Variants in OTOGL observed in about 807,000 individuals in gnomAD.
The protein encoded by OTOGL is otogelin like, also known as otogelin-like protein.
A neutral mutation model predicts 318.5 loss-of-function variants in OTOGL; 285 were observed. That is an observed-to-expected ratio of 0.89 (90% CI 0.81 to 0.99). OTOGL has a LOEUF of 0.99. Ranked by LOEUF, OTOGL falls within the 50% of genes least tolerant of loss-of-function variation. The probability of loss-of-function intolerance (pLI) is 0.00; values close to 1 mark genes in which losing one functional copy is unlikely to be tolerated. For missense variants in OTOGL, 2,899 were observed against 2,845.6 expected (o/e 1.02, Z -0.43); for synonymous variants, 987 against 936.5 (o/e 1.05, Z -0.99).
intron 30 of OTOGL, among the ~76,000 whole-genome samples, chr12:80,311,382 TATTCAGAC>T (rs1231080643): frequency 6.6e-6 from 1 of 152,220 alleles, no homozygotes; most frequent in African/African-American, 2.4e-5. Context: ...GATATATGGT[TATTCAGAC>T]ATTCAGACAG....
intron 1 of OTOGL, among the ~76,000 whole-genome samples, chr12:80,112,673 G>A (rs1394871785): frequency 2.0e-5 from 3 of 149,374 alleles, no homozygotes; most frequent in African/African-American, 7.4e-5. Context: ...TTTTTGCACT[G>A]ATGTTCATTA....
Position 80,266,616 on chromosome 12 carries a change from T to A in OTOGL, c.2390T>A (p.Ile797Lys), listed in dbSNP as rs776223885. 6.2e-7 allele frequency: 1 copy of A among 1,612,556 alleles called. No individual in the cohort carries two copies. The highest frequency in any genetic ancestry group is 2.2e-5 in the East Asian group (1 of 44,846). The change falls in exon 21 of 59, where the codon ATA becomes AAA. Residue 797 changes from isoleucine (I) to lysine (K), a missense_variant and splice_region_variant. Physicochemically the swap from Ile to Lys is moderately radical, Grantham distance 102. Around this residue, in one of 3 missense-constraint regions of OTOGL, gnomAD observed 2,607 missense variants for 2,524.9 expected, o/e 1.03. Transcript: ENST00000547103. ...YEDTLNFCVPIFHCRCHYRGS... is the reference protein window; with the variant it reads ...YEDTLNFCVPKFHCRCHYRGS... ...GACACTCTTAACTTTTGTGTACCCA[T>A]GTAAGTCGTAGAAACAGGTTGGCAG...
rs568423929 is a variant in OTOGL, at chr12:80,377,165, C to T, written c.6824C>T (p.Ser2275Leu). Reference sequence around the variant, plus strand: ...ATATGCCAGAAAGTGATCATTAAATCGGTCATAAGGAAACAGGACTGTATG... The same window carrying T: ...ATATGCCAGAAAGTGATCATTAAATTGGTCATAAGGAAACAGGACTGTATG... ...ERICQKVIIK[S>L]VIRKQDCMSQ... The change falls in exon 58 of 59, where the codon TCG (serine) becomes TTG (leucine). Residue 2275 changes from serine to leucine, a missense_variant. By Grantham distance (145) the Ser-to-Leu change is moderately radical (BLOSUM62 -2). Coordinates refer to ENST00000547103, the MANE Select transcript of OTOGL (RefSeq NM_001378609.3). 13 of 1,609,270 alleles carry T rather than the reference C, an allele frequency of 8.1e-6. No individual in the cohort carries two copies. The highest frequency in any genetic ancestry group is 2.2e-5 in the East Asian group (1 of 44,666).
intron 1 of OTOGL, among the ~76,000 whole-genome samples, chr12:80,159,281 G>A (rs1338959108): frequency 2.0e-5 from 3 of 152,052 alleles, no homozygotes; most frequent in African/African-American, 4.8e-5. Context: ...CAGGGATACT[G>A]GTCTGTAGTT....
intron 1 of OTOGL, among the ~76,000 whole-genome samples, chr12:80,150,497 C>G (rs952860689): frequency 2.0e-5 from 3 of 152,160 alleles, no homozygotes; most frequent in Non-Finnish European, 4.4e-5. Context: ...TTTATCTAGG[C>G]AGTGAGCGAT....
At chr12:80,115,991 T>C (rs1489816031) in intron 1 of OTOGL, among the ~76,000 whole-genome samples, 1 of 124,772 alleles carries the variant, frequency 8.0e-6, no homozygotes, top group Non-Finnish European at 1.7e-5. Flanking sequence ...CTGGGCTCTG[T>C]GGGACTGGGA....
chr12:80,259,137 G>GATCA (rs1173626228), intron 18 of OTOGL, among the ~76,000 whole-genome samples: 1 of 150,220 alleles, frequency 6.7e-6, no homozygotes, highest in Admixed American at 6.7e-5. Flanking sequence ...GTTAGGCAAG[G>GATCA]ATCAATCAAC....
At chr12:80,368,382 G>A in intron 55 of OTOGL, 73 bp downstream of exon 55, 2 of 830,542 alleles carry the variant, frequency 2.4e-6, no homozygotes, top group Non-Finnish European at 1.8e-6. Flanking sequence ...TTTGGAAAAT[G>A]TCCCCCCCCA....
chr12:80,131,681 T>C (rs565019951), intron 1 of OTOGL: 1 of 152,344 alleles, frequency 6.6e-6, no homozygotes, highest in South Asian at 2.1e-4. Flanking sequence ...ATGGCATTTA[T>C]TTAGCTTTAT....
chr12:80,157,463 G>A (rs1873201088), intron 1 of OTOGL, among the ~76,000 whole-genome samples: 1 of 151,990 alleles, frequency 6.6e-6, no homozygotes, highest in African/African-American at 2.4e-5. Flanking sequence ...TGCTTTGGTC[G>A]CCTGTACTTA....
chr12:80,304,062 A>G (rs1180204137), intron 28 of OTOGL, among the ~76,000 whole-genome samples: 1 of 152,184 alleles, frequency 6.6e-6, no homozygotes, highest in Non-Finnish European at 1.5e-5. Context: ...CTCAGATATC[A>G]TATAAATGGA....
At position 80,238,955 on chromosome 12, in the gene OTOGL, T is replaced by C. The variant is rs1221181230; in HGVS notation, c.922T>C (p.Ser308Pro). The C allele has an allele frequency of 4.4e-6, 7 of 1,597,600 alleles. No individual in the cohort carries two copies. Among genetic ancestry groups the C allele is most frequent in the Non-Finnish European group, 5.9e-6 (7 of 1,179,076 alleles). ...ACCCTCAGATTTTCCAAATCCGTGCTCCAGTGGAATGCCAGCATTTGAGGT... is the reference window on the plus strand; with the variant it reads ...ACCCTCAGATTTTCCAAATCCGTGCCCCAGTGGAATGCCAGCATTTGAGGT... ...LTPSDFPNPC[S>P]SGMPAFEAIF... Residue 308 changes from serine to proline, a missense_variant, in exon 10 of 59, where the codon TCC becomes CCC. By Grantham distance (74) the Ser-to-Pro change is moderately conservative (BLOSUM62 -1). Around this residue, in one of 3 missense-constraint regions of OTOGL, gnomAD observed 2,607 missense variants for 2,524.9 expected, o/e 1.03. Transcript: ENST00000547103.
At chr12:80,270,259 A>G in intron 23 of OTOGL, 105 bp downstream of exon 23, 2 of 904,274 alleles carry the variant, frequency 2.2e-6, no homozygotes, top group Non-Finnish European at 1.7e-6. Flanking sequence ...GTGCATGGCT[A>G]TAGCCTTGGG....
rs183750934 is a variant in OTOGL, at chr12:80,199,565, G to A, written c.-19-9848G>A. Among the ~76,000 whole-genome samples the A allele has an allele frequency of 7.2e-5, 11 of 152,300 alleles. No individual in the cohort carries two copies. The East Asian group carries it at 2.1e-3, about 29-fold the overall frequency. On this transcript the variant is annotated intron_variant, in intron 1 of 58. Transcript: ENST00000547103. ...TAGTGCCCATTGAATTAGTTTAATA[G>A]ATGATTTGTGTAAGTTTTATTTGTA... is the stretch of plus-strand genomic sequence containing the variant.
intron 27 of OTOGL, among the ~76,000 whole-genome samples, chr12:80,297,376 G>C (rs1253567755): frequency 6.0e-5 from 9 of 149,230 alleles, no homozygotes; most frequent in Non-Finnish European, 1.0e-4. Flanking sequence ...CTGTTGCCCA[G>C]GCTGGAGTGC....
At chr12:80,258,302 T>C (rs536519341) in intron 18 of OTOGL, among the ~76,000 whole-genome samples, 1 of 152,232 alleles carries the variant, frequency 6.6e-6, no homozygotes, top group East Asian at 1.9e-4. Flanking sequence ...CTGTTCCAGC[T>C]ATTCTCTTCT....
chr12:80,172,271 C>A (rs190451030), intron 1 of OTOGL, among the ~76,000 whole-genome samples: 1 of 145,352 alleles, frequency 6.9e-6, no homozygotes, highest in Admixed American at 6.7e-5. Flanking sequence ...TTTCCTAGAT[C>A]ACCATAATAG....
At chr12:80,300,675 A>G (rs1885698125) in intron 27 of OTOGL, among the ~76,000 whole-genome samples, 1 of 152,174 alleles carries the variant, frequency 6.6e-6, no homozygotes, top group East Asian at 1.9e-4. Flanking sequence ...CTTGAGGATG[A>G]AAGTTCTACT....
At chr12:80,123,267 A>G (rs1294376607) in intron 1 of OTOGL, among the ~76,000 whole-genome samples, 1 of 151,726 alleles carries the variant, frequency 6.6e-6, no homozygotes, top group African/African-American at 2.4e-5. Flanking sequence ...CCCACCTATG[A>G]GTGAGAACAT....
Sources: allele counts gnomAD v4.1 joint callset (sites outside exome capture counted in the v4.1 genomes callset), GRCh38; gene constraint gnomAD v4.1.1; regional missense constraint gnomAD v4.1.1; transcripts MANE v1.5; gene names NCBI Gene and HGNC (gene_info 2026-07-23, HGNC 2026-07-21).